The following KIRREL3 variants were observed in gnomAD, a reference collection of about 807,000 sequenced individuals.
The protein encoded by KIRREL3 is kirre like nephrin family adhesion molecule 3, also known as kin of IRRE-like protein 3.
In KIRREL3, 36 loss-of-function variants were observed where a neutral mutation model predicts 89.7. The observed-to-expected ratio is 0.40, with a 90% confidence interval of 0.31 to 0.53. The LOEUF (loss-of-function observed/expected upper bound fraction) is 0.53, where lower values mean the gene tolerates loss of function less well. KIRREL3 is among the 20% of genes least tolerant of loss of function. The pLI, the probability that KIRREL3 is intolerant of heterozygous loss-of-function variation, is 0.49. For synonymous variants in KIRREL3, 445 were observed against 441.4 expected (o/e 1.01, Z -0.10); for missense variants, 864 against 1,056.6 (o/e 0.82, Z 2.53).
chr11:126,836,263 G>A (rs1192847521), intron 1 of KIRREL3, among the ~76,000 whole-genome samples: 2 of 152,192 alleles, frequency 1.3e-5, no homozygotes, highest in African/African-American at 4.8e-5. Flanking sequence ...GTGGTCTCTT[G>A]AGAGACCTAT....
chr11:126,868,080 G>A (rs1169495149), intron 1 of KIRREL3, among the ~76,000 whole-genome samples: 1 of 137,488 alleles, frequency 7.3e-6, no homozygotes, highest in Non-Finnish European at 1.6e-5. Flanking sequence ...TGGGTGTGAA[G>A]CGGGGGTGGG....
chr11:126,524,416 T>A (rs1450377051), intron 3 of KIRREL3, among the ~76,000 whole-genome samples: 1 of 152,164 alleles, frequency 6.6e-6, no homozygotes, highest in Non-Finnish European at 1.5e-5. Flanking sequence ...GCAGGTCTCA[T>A]GTGCTGGGAT....
intron 1 of KIRREL3, among the ~76,000 whole-genome samples, chr11:126,939,980 G>A (rs1948371660): frequency 6.6e-6 from 1 of 152,070 alleles, no homozygotes; most frequent in South Asian, 2.1e-4. Flanking sequence ...TACCTCCTCT[G>A]ACTTTTCACC....
In KIRREL3 at chr11:126,783,158, C is replaced by T. The variant is rs2134334251; in HGVS notation, c.55+217297G>A. Reference sequence around the variant, plus strand: ...AAGGTGTCTGCAGAGCCATGCTTCCCCTGAAACCTGGAGGAGAGAATCCTT... The same window carrying T: ...AAGGTGTCTGCAGAGCCATGCTTCCTCTGAAACCTGGAGGAGAGAATCCTT... On this transcript the variant is annotated intron_variant, in intron 1 of 16. Coordinates refer to ENST00000525144, the MANE Select transcript of KIRREL3 (RefSeq NM_032531.4). This position sits in a 1 kb window ranked among gnomAD's most constrained non-coding sequence, Gnocchi z 4.3. Among the ~76,000 whole-genome samples, 1 of 152,304 alleles carries T rather than the reference C, an allele frequency of 6.6e-6. No individual in the cohort carries two copies. Among genetic ancestry groups the T allele is most frequent in the South Asian group, 2.1e-4 (1 of 4,826 alleles).
At chr11:126,874,832 A>G (rs1945220226) in intron 1 of KIRREL3, among the ~76,000 whole-genome samples, 1 of 152,184 alleles carries the variant, frequency 6.6e-6, no homozygotes, top group Non-Finnish European at 1.5e-5. Flanking sequence ...AAGGTGAAGC[A>G]ACGTCAGACA....
Position 126,778,745 on chromosome 11 carries a change from T to G in KIRREL3, c.56-215833A>C, listed in dbSNP as rs567189782. Among the ~76,000 whole-genome samples, 1 of 152,338 alleles carries G rather than the reference T, an allele frequency of 6.6e-6. No individual in the cohort carries two copies. The highest frequency in any genetic ancestry group is 2.4e-5 in the African/African-American group (1 of 41,582). On this transcript the variant is annotated intron_variant, in intron 1 of 16. Transcript: ENST00000525144. This position sits in a 1 kb window ranked among gnomAD's most constrained non-coding sequence, Gnocchi z 4.5. ...TTCAGAGAGTGCTATGTTAGCTCTT[T>G]GTGAACAAAAGCTATCATGCAGGGC... is the stretch of plus-strand genomic sequence containing the variant.
chr11:126,849,246 C>T (rs140159932), intron 1 of KIRREL3, among the ~76,000 whole-genome samples: 9 of 148,984 alleles, frequency 6.0e-5, no homozygotes, highest in South Asian at 4.5e-4. Flanking sequence ...TGACAGTTTA[C>T]GAATGCCACG....
rs758546238 is a variant in KIRREL3, at chr11:126,462,010, G to C, written c.742+1147C>G. Among the ~76,000 whole-genome samples the C allele has an allele frequency of 6.6e-6, 1 of 152,142 alleles. No homozygotes were observed. The highest frequency in any genetic ancestry group is 1.5e-5 in the Non-Finnish European group (1 of 68,034). On this transcript the variant is annotated intron_variant, in intron 6 of 16. Transcript: ENST00000525144. This position sits in a 1 kb window ranked among gnomAD's most constrained non-coding sequence, Gnocchi z 4.8. The stretch of plus-strand genomic sequence containing the variant: ...GGAGAGAAGTCCACTTTTGAGTCCT[G>C]ACTCTTTAAACTGAACTAATCCAGT...
chr11:126,907,915 C>T (rs1194457081), intron 1 of KIRREL3, among the ~76,000 whole-genome samples: 2 of 152,116 alleles, frequency 1.3e-5, no homozygotes, highest in African/African-American at 4.8e-5. Flanking sequence ...ATGCTCTTCC[C>T]CTGGGATCTG....
At chr11:126,767,556 T>C (rs1272069084) in intron 1 of KIRREL3, among the ~76,000 whole-genome samples, 1 of 152,204 alleles carries the variant, frequency 6.6e-6, no homozygotes, top group Non-Finnish European at 1.5e-5. Context: ...ACACTGTGTA[T>C]AACGACATAC....
intron 2 of KIRREL3, among the ~76,000 whole-genome samples, chr11:126,560,602 A>C (rs951250911): frequency 3.9e-5 from 6 of 152,230 alleles, no homozygotes; most frequent in African/African-American, 1.4e-4. Context: ...AGAGAAGAAA[A>C]TAAAAGGACA....
Position 126,978,341 on chromosome 11 carries a change from C to T in KIRREL3, c.55+22114G>A, listed in dbSNP as rs763913869. Among the ~76,000 whole-genome samples the T allele has an allele frequency of 6.6e-6, 1 of 152,150 alleles. No individual in the cohort carries two copies. The highest frequency in any genetic ancestry group is 1.5e-5 in the Non-Finnish European group (1 of 68,044). On this transcript the variant is annotated intron_variant, in intron 1 of 16. Transcript: ENST00000525144. This position sits in a 1 kb window ranked among gnomAD's most constrained non-coding sequence, Gnocchi z 4.2. ...CTTCACCTTCCCTTCAAACTTTAGC[C>T]AATTAGGTTTCCTCCATTCTTATGT...
At chr11:126,738,726 A>C (rs1400245902) in intron 1 of KIRREL3, among the ~76,000 whole-genome samples, 2 of 152,148 alleles carry the variant, frequency 1.3e-5, no homozygotes, top group Non-Finnish European at 2.9e-5. Context: ...TCTCAGCCCT[A>C]GCAGGGCTCA....
In KIRREL3 at chr11:126,674,709, G is replaced by A. The variant is rs180684051; in HGVS notation, c.56-111797C>T. Among the ~76,000 whole-genome samples, 319 of 152,312 alleles carry A rather than the reference G, an allele frequency of 2.1e-3. 2 individuals are homozygous for A. The highest frequency in any genetic ancestry group is 3.3e-3 in the Non-Finnish European group (223 of 68,032). ...GAGTTAGTGGAGAAGGATGGCAGGG[G>A]CTTTGAGTTGTCATCTTTTCTTAGG... is the stretch of plus-strand genomic sequence containing the variant. On this transcript the variant is annotated intron_variant, in intron 1 of 16. Coordinates refer to ENST00000525144, the MANE Select transcript of KIRREL3 (RefSeq NM_032531.4).
rs563185466 is a variant in KIRREL3 at position 126,741,388 on chromosome 11, G to A, written c.56-178476C>T. ...GTTTGTTCATAGTCTGTTGGCTCCC[G>A]TGGGGCCAGCACAATGACTCTTGCA... On this transcript the variant is annotated intron_variant, in intron 1 of 16. Coordinates refer to ENST00000525144, the MANE Select transcript of KIRREL3 (RefSeq NM_032531.4). Among the ~76,000 whole-genome samples, 6 of 152,200 alleles carry A rather than the reference G, an allele frequency of 3.9e-5. No individual in the cohort carries two copies. The East Asian group carries it at 5.8e-4, about 15-fold the overall frequency.
chr11:126,710,471 C>T lies in KIRREL3; in HGVS notation c.56-147559G>A, dbSNP rs552053958. Among the ~76,000 whole-genome samples the T allele has an allele frequency of 5.8e-4, 89 of 152,304 alleles. No homozygotes were observed. Among genetic ancestry groups the T allele is most frequent in the African/African-American group, 1.9e-3 (79 of 41,566 alleles). ...ATAGCATTCAAGTAACCCTTCATGG[C>T]ATGCCGAGATTCCTAATGAGATGAG... is the stretch of plus-strand genomic sequence containing the variant. On this transcript the variant is annotated intron_variant, in intron 1 of 16. Transcript: ENST00000525144. The surrounding 1 kb of genome is among the most constrained non-coding windows in gnomAD (Gnocchi z 4.2).
At position 126,682,395 on chromosome 11, in the gene KIRREL3, G is replaced by GCAACA; in HGVS notation, c.56-119484_56-119483insTGTTG. Among the ~76,000 whole-genome samples, 1 of 152,136 alleles carries GCAACA rather than the reference G, an allele frequency of 6.6e-6. No homozygotes were observed. The highest frequency in any genetic ancestry group is 2.4e-5 in the African/African-American group (1 of 41,446). ...ATGATAATATCCTCCTCCCAGTGTT[G>GCAACA]CTGGGAGGATGAAGTGAGATGAATC... On this transcript the variant is annotated intron_variant, in intron 1 of 16. Coordinates refer to ENST00000525144, the MANE Select transcript of KIRREL3 (RefSeq NM_032531.4). This position sits in a 1 kb window ranked among gnomAD's most constrained non-coding sequence, Gnocchi z 4.8.
chr11:126,956,083 G>T (rs1422968507), intron 1 of KIRREL3, among the ~76,000 whole-genome samples: 2 of 152,124 alleles, frequency 1.3e-5, no homozygotes, highest in Non-Finnish European at 2.9e-5. Context: ...TGCAAGTCCT[G>T]CATCCCATTC....
intron 1 of KIRREL3, among the ~76,000 whole-genome samples, chr11:126,960,334 G>A (rs1306652587): frequency 3.3e-5 from 5 of 151,336 alleles, no homozygotes; most frequent in African/African-American, 1.2e-4. Flanking sequence ...GCTATAGAAG[G>A]TTTTTGTTTT....
Sources: gnomAD v4.1 joint callset for allele counts (sites outside exome capture counted in the v4.1 genomes callset) on GRCh38, gnomAD v4.1.1 for gene constraint, Gnocchi (gnomAD v3.1) non-coding constraint, MANE v1.5 for transcripts, NCBI Gene and HGNC (gene_info 2026-07-23, HGNC 2026-07-21) for gene names.